SIPA1L3: variants seen among roughly 807,000 people sequenced by gnomAD.
The protein encoded by SIPA1L3 is signal induced proliferation associated 1 like 3, also known as signal-induced proliferation-associated 1-like protein 3.
A neutral mutation model predicts 150.1 loss-of-function variants in SIPA1L3; 59 were observed. That is an observed-to-expected ratio of 0.39 (90% CI 0.32 to 0.49). The LOEUF is 0.49. Among genes scored for constraint, SIPA1L3 ranks in the 20% least tolerant of loss-of-function variants. The pLI is 0.86. For missense variants in SIPA1L3, 2,211 were observed against 2,489.5 expected (o/e 0.89, Z 2.38); for synonymous variants, 1,070 against 1,077.6 (o/e 0.99, Z 0.14).
In SIPA1L3 at chr19:38,007,595, TTTATTATTA is replaced by T. The variant is rs759062297; in HGVS notation, c.-378-21478_-378-21470del. Among the ~76,000 whole-genome samples, 492 of 151,522 alleles carry T rather than the reference TTTATTATTA, an allele frequency of 3.2e-3. 2 individuals carry two copies. The highest frequency in any genetic ancestry group is 5.5e-3 in the Non-Finnish European group (371 of 67,898). On this transcript the variant is annotated intron_variant, in intron 1 of 21. Coordinates refer to ENST00000222345, the MANE Select transcript of SIPA1L3 (RefSeq NM_015073.3). The stretch of plus-strand genomic sequence containing the variant: ...GTCAGCCCTGGAGCACTCTTCATTA[TTTATTATTA>T]TTATTATTATTATTAATTCTTCTTC...
intron 13 of SIPA1L3, 144 bp from the exon 14 acceptor site, chr19:38,162,109 C>T: frequency 2.9e-6 from 2 of 699,390 alleles, no homozygotes; most frequent in Non-Finnish European, 5.3e-6. Context: ...GAGATGTATT[C>T]TCTGTTACTG....
Position 38,206,404 on chromosome 19 carries a change from G to C in SIPA1L3, c.*164G>C. The C allele has an allele frequency of 1.2e-6, 1 of 837,634 alleles. No individual in the cohort carries two copies. Among genetic ancestry groups the C allele is most frequent in the Non-Finnish European group, 1.8e-6 (1 of 555,104 alleles). 51.9% of individuals were successfully genotyped at this position (837,634 alleles called of 1,614,324 possible). Reference sequence around the variant, plus strand: ...ATGGCCTCACTAGGGCTGTGAGTCAGGGTCAGCGCGCACAGCCCTCATGCC... The same window carrying C: ...ATGGCCTCACTAGGGCTGTGAGTCACGGTCAGCGCGCACAGCCCTCATGCC... On this transcript the variant is annotated 3_prime_UTR_variant, in exon 22 of 22. Transcript: ENST00000222345.
At chr19:37,998,330 A>G (rs1176506070) in intron 1 of SIPA1L3, among the ~76,000 whole-genome samples, 2 of 152,134 alleles carry the variant, frequency 1.3e-5, no homozygotes, top group East Asian at 1.9e-4. Context: ...GAAAGAATTC[A>G]TAGTAATTTT....
intron 15 of SIPA1L3, among the ~76,000 whole-genome samples, chr19:38,169,259 C>G (rs1314003489): frequency 6.6e-6 from 1 of 152,070 alleles, no homozygotes; most frequent in Admixed American, 6.6e-5. Context: ...CGTGGTGGTG[C>G]ACGCCTGTGG....
At chr19:37,953,859 G>A in intron 1 of SIPA1L3, among the ~76,000 whole-genome samples, 1 of 152,154 alleles carries the variant, frequency 6.6e-6, no homozygotes, top group South Asian at 2.1e-4. Flanking sequence ...TAGGGCATGG[G>A]TTAGCCAGGA....
intron 1 of SIPA1L3, among the ~76,000 whole-genome samples, chr19:37,940,974 T>C (rs1357776319): frequency 2.0e-5 from 3 of 152,154 alleles, no homozygotes; most frequent in African/African-American, 4.8e-5. Context: ...TGACCGATCA[T>C]ATCCCTGTTG....
In SIPA1L3 at chr19:38,082,733, C is replaced by T; in HGVS notation, c.1168C>T (p.His390Tyr). ...AMASLTASRA[H>Y]SLGGLDPAFT... ...GGCCTCCCTCACGGCCTCGCGGGCCCACAGCCTCGGAGGCCTGGACCCGGC... is the reference window on the plus strand; with the variant it reads ...GGCCTCCCTCACGGCCTCGCGGGCCTACAGCCTCGGAGGCCTGGACCCGGC... The change falls in exon 3 of 22, where the codon CAC becomes TAC. Residue 390 changes from histidine (H) to tyrosine (Y), a missense_variant. Physicochemically the swap from His to Tyr is moderately conservative, Grantham distance 83. Coordinates refer to ENST00000222345, the MANE Select transcript of SIPA1L3 (RefSeq NM_015073.3). The T allele has an allele frequency of 1.9e-6, 3 of 1,612,400 alleles. No individual in the cohort carries two copies. The highest frequency in any genetic ancestry group is 2.2e-5 in the East Asian group (1 of 44,874).
intron 13 of SIPA1L3, 49 bp from the exon 14 acceptor site, chr19:38,162,204 C>G: frequency 6.8e-7 from 1 of 1,464,230 alleles, no homozygotes; most frequent in Non-Finnish European, 9.6e-7. Context: ...TCTTCAGGCC[C>G]TGGCCTGAGT....
At chr19:37,935,220 C>T (rs1234972551) in intron 1 of SIPA1L3, among the ~76,000 whole-genome samples, 1 of 152,076 alleles carries the variant, frequency 6.6e-6, no homozygotes, top group Non-Finnish European at 1.5e-5. Context: ...TTAATAGATT[C>T]ATCACACTTA....
intron 2 of SIPA1L3, among the ~76,000 whole-genome samples, chr19:38,050,670 TG>T (rs539239472): frequency 1.3e-5 from 2 of 152,218 alleles, no homozygotes; most frequent in South Asian, 4.1e-4. Flanking sequence ...TAGTCAAAGT[TG>T]TCCGAAGAGC....
At chr19:38,013,008 C>A (rs1336538781) in intron 1 of SIPA1L3, among the ~76,000 whole-genome samples, 1 of 152,154 alleles carries the variant, frequency 6.6e-6, no homozygotes, top group African/African-American at 2.4e-5. Context: ...TGCAGGCCTC[C>A]TTTACCCTTT....
rs568545041 is a variant in SIPA1L3, at chr19:38,015,359, G to A, written c.-378-13730G>A. ...ATAGGGAAAGGAACTGTGGGTTACC[G>A]TATCTTTCTCTTGCCTTCCATGTCA... On this transcript the variant is annotated intron_variant, in intron 1 of 21. Transcript: ENST00000222345. Among the ~76,000 whole-genome samples, 5 of 152,256 alleles carry A rather than the reference G, an allele frequency of 3.3e-5. No homozygotes were observed. The South Asian group carries it at 6.2e-4, about 19-fold the overall frequency.
At chr19:38,068,941 G>A (rs1438672097) in intron 2 of SIPA1L3, among the ~76,000 whole-genome samples, 1 of 152,216 alleles carries the variant, frequency 6.6e-6, no homozygotes, top group Non-Finnish European at 1.5e-5. Flanking sequence ...ACACGCCAGT[G>A]TGTAGCCCTG....
At chr19:37,935,239 A>C (rs895406023) in intron 1 of SIPA1L3, among the ~76,000 whole-genome samples, 19 of 152,216 alleles carry the variant, frequency 1.2e-4, no homozygotes, top group African/African-American at 4.6e-4. Flanking sequence ...TAGCCAGATT[A>C]GTTGTGTTTA....
chr19:37,985,306 C>T (rs1276441941), intron 1 of SIPA1L3, among the ~76,000 whole-genome samples: 6 of 151,830 alleles, frequency 4.0e-5, no homozygotes. Context: ...AAGCAATCCT[C>T]CCACCTCAGC....
rs1343348254 is a variant in SIPA1L3 at position 38,138,910 on chromosome 19, A to AAAAAAACAAAAACAAAAAC, written c.3144-2269_3144-2268insACAAAAACAAAAACAAAAA. Among the ~76,000 whole-genome samples, 347 of 112,850 alleles carry AAAAAAACAAAAACAAAAAC rather than the reference A, an allele frequency of 3.1e-3. 6 individuals are homozygous for AAAAAAACAAAAACAAAAAC. Among genetic ancestry groups the AAAAAAACAAAAACAAAAAC allele is most frequent in the Non-Finnish European group, 3.9e-3 (218 of 56,078 alleles). 74.0% of individuals were successfully genotyped at this position (112,850 alleles called of 152,430 possible). The stretch of plus-strand genomic sequence containing the variant: ...GAGACTCTATCTCAAAAAAAAAAAA[A>AAAAAAACAAAAACAAAAAC]AAAAACTGAGTGTGGTGGCTCACGC... On this transcript the variant is annotated intron_variant, in intron 10 of 21. Coordinates refer to ENST00000222345, the MANE Select transcript of SIPA1L3 (RefSeq NM_015073.3).
chr19:38,032,799 G>A (rs908717384), intron 2 of SIPA1L3, among the ~76,000 whole-genome samples: 27 of 151,954 alleles, frequency 1.8e-4, no homozygotes, highest in Admixed American at 1.6e-3. Flanking sequence ...GTGGCAGTGA[G>A]CTGAGGTTGC....
At chr19:38,099,911 C>G in intron 4 of SIPA1L3, 51 bp from the exon 5 acceptor site, 2 of 1,423,944 alleles carry the variant, frequency 1.4e-6, no homozygotes, top group Non-Finnish European at 1.9e-6. Context: ...TGCTCTTATC[C>G]CTTTTTAGGT....
chr19:38,198,750 T>A (rs1410920987), intron 19 of SIPA1L3, among the ~76,000 whole-genome samples: 1 of 152,196 alleles, frequency 6.6e-6, no homozygotes, highest in Non-Finnish European at 1.5e-5. Context: ...CAAGCGGAAG[T>A]GACCATGCCT....
Sources: gnomAD v4.1 joint callset for allele counts (sites outside exome capture counted in the v4.1 genomes callset) on GRCh38, gnomAD v4.1.1 for gene constraint, MANE v1.5 for transcripts, NCBI Gene and HGNC (gene_info 2026-07-23, HGNC 2026-07-21) for gene names.